The following IPMK variants were observed in gnomAD, a reference collection of about 807,000 sequenced individuals.
IPMK encodes inositol polyphosphate multikinase, also known as inositol 1,3,4,6-tetrakisphosphate 5-kinase.
A neutral mutation model predicts 45.8 loss-of-function variants in IPMK; 17 were observed. That is an observed-to-expected ratio of 0.37 (90% CI 0.25 to 0.56). IPMK has a LOEUF of 0.56. Among genes scored for constraint, IPMK ranks in the 20% least tolerant of loss-of-function variants. IPMK has a pLI of 0.79. For missense variants in IPMK, 399 were observed against 498.0 expected, an observed-to-expected ratio of 0.80 and a Z score of 1.89; for synonymous variants, 180 against 184.3, an observed-to-expected ratio of 0.98 and a Z score of 0.19.
chr10:58,208,222 G>A (rs906946862), intron 4 of IPMK, among the ~76,000 whole-genome samples: 5 of 152,122 alleles, frequency 3.3e-5, no homozygotes, highest in African/African-American at 1.2e-4. Flanking sequence ...TTACAGGTGT[G>A]AGCCACCACA....
At chr10:58,217,672 G>C (rs1838265991) in intron 3 of IPMK, among the ~76,000 whole-genome samples, 1 of 87,554 alleles carries the variant, frequency 1.1e-5, no homozygotes, top group South Asian at 3.9e-4. Flanking sequence ...TGGGCAACAA[G>C]AGCAAAACTC....
chr10:58,200,180 G>C (rs771510222), intron 4 of IPMK, among the ~76,000 whole-genome samples: 1 of 152,070 alleles, frequency 6.6e-6, no homozygotes, highest in Admixed American at 6.6e-5. Flanking sequence ...GTGCAGTGGC[G>C]TGATCTCAGC....
chr10:58,255,684 T>G lies in IPMK; in HGVS notation c.190+11738A>C, dbSNP rs144631323. 7.1e-3 allele frequency among the ~76,000 whole-genome samples: 1,077 copies of G among 152,268 alleles called. 10 individuals are homozygous for G. The highest frequency in any genetic ancestry group is 0.014 in the Middle Eastern group (4 of 294). ...TTTTTTGTAAATTTCTCCTGGAATT[T>G]TCTATGATAAACATATATTGGCCAG... On this transcript the variant is annotated intron_variant, in intron 1 of 5. Transcript: ENST00000373935.
chr10:58,235,334 A>G (rs773747142), intron 2 of IPMK, among the ~76,000 whole-genome samples: 3 of 152,250 alleles, frequency 2.0e-5, no homozygotes, highest in Non-Finnish European at 4.4e-5. Context: ...CCAAAGGATT[A>G]TAAATCATGC....
Position 58,235,650 on chromosome 10 carries a change from C to T in IPMK, c.276+2079G>A, listed in dbSNP as rs144277003. 3.7e-3 allele frequency among the ~76,000 whole-genome samples: 559 copies of T among 152,108 alleles called. 7 individuals are homozygous for T. The highest frequency in any genetic ancestry group is 0.013 in the African/African-American group (519 of 41,512). ...TTGGACACAGGGGAACATCACGCAC[C>T]GGGGCCTGTCAGGGGCTGCGGGGCT... On this transcript the variant is annotated intron_variant, in intron 2 of 5. Coordinates refer to ENST00000373935, the MANE Select transcript of IPMK (RefSeq NM_152230.5).
intron 2 of IPMK, among the ~76,000 whole-genome samples, chr10:58,232,165 C>T (rs1394664325): frequency 6.6e-6 from 1 of 152,154 alleles, no homozygotes; most frequent in Non-Finnish European, 1.5e-5. Flanking sequence ...AATACAGGAG[C>T]ACCCAGATTC....
chr10:58,247,965 T>C (rs1004459748), intron 1 of IPMK, among the ~76,000 whole-genome samples: 2 of 152,160 alleles, frequency 1.3e-5, no homozygotes, highest in African/African-American at 4.8e-5. Context: ...GCTACAGACT[T>C]TTTCCTTTAT....
chr10:58,233,128 T>C (rs1838551203), intron 2 of IPMK, among the ~76,000 whole-genome samples: 1 of 152,000 alleles, frequency 6.6e-6, no homozygotes, highest in Non-Finnish European at 1.5e-5. Context: ...TAGGAAGACG[T>C]TGCACCTCTG....
intron 1 of IPMK, among the ~76,000 whole-genome samples, chr10:58,250,643 C>T (rs908918483): frequency 2.6e-5 from 4 of 152,086 alleles, no homozygotes; most frequent in African/African-American, 4.8e-5. Context: ...TTGACTTCTT[C>T]CTTTCTTATT....
intron 1 of IPMK, among the ~76,000 whole-genome samples, chr10:58,265,689 T>C (rs993426291): frequency 6.6e-6 from 1 of 152,158 alleles, no homozygotes; most frequent in Non-Finnish European, 1.5e-5. Context: ...TATTTTACAC[T>C]GAATGCCATA....
intron 1 of IPMK, among the ~76,000 whole-genome samples, chr10:58,254,907 A>G (rs1376757382): frequency 6.6e-6 from 1 of 152,238 alleles, no homozygotes; most frequent in Non-Finnish European, 1.5e-5. Flanking sequence ...TTGTTTCCCA[A>G]TCCAGGGAAG....
chr10:58,247,204 C>A (rs370418449), intron 1 of IPMK, among the ~76,000 whole-genome samples: 8 of 148,438 alleles, frequency 5.4e-5, no homozygotes, highest in Middle Eastern at 3.4e-3. Context: ...TACACTGTTG[C>A]TGGGACTGTA....
At chr10:58,205,411 T>C (rs1838056627) in intron 4 of IPMK, among the ~76,000 whole-genome samples, 1 of 152,152 alleles carries the variant, frequency 6.6e-6, no homozygotes, top group Non-Finnish European at 1.5e-5. Context: ...CATGAAAAGA[T>C]GCTCAACATC....
intron 1 of IPMK, among the ~76,000 whole-genome samples, chr10:58,243,391 C>T (rs934607361): frequency 2.6e-5 from 4 of 152,210 alleles, no homozygotes; most frequent in African/African-American, 9.7e-5. Context: ...CTCCCTCTTT[C>T]TACGGTCTCC....
chr10:58,193,818 T>G lies in IPMK; in HGVS notation c.*2258A>C, dbSNP rs1032292147. 1.3e-5 allele frequency: 2 copies of G among 151,762 alleles called. No individual in the cohort carries two copies. The highest frequency in any genetic ancestry group is 1.9e-4 in the East Asian group (1 of 5,192). The allele number at this position is 151,762 out of a possible 1,614,324, so 9.4% of individuals were successfully genotyped here. On this transcript the variant is annotated 3_prime_UTR_variant, in exon 6 of 6. Transcript: ENST00000373935. ...CACAGTGGTAAATTTCAGCATAATA[T>G]TAAGTGACCGAGAGAGACTAAGATA...
chr10:58,191,601 C>T lies in IPMK; in HGVS notation c.*4475G>A, dbSNP rs963445338. 2.6e-5 allele frequency: 4 copies of T among 152,128 alleles called. No individual in the cohort carries two copies. The highest frequency in any genetic ancestry group is 3.9e-4 in the East Asian group (2 of 5,184). 9.4% of individuals were successfully genotyped at this position (152,128 alleles called of 1,614,324 possible). A position where few individuals can be genotyped will look rare whatever the true frequency, so the allele number is the denominator to read the frequency against. ...ATCACTTATAAAAATTGGTATATCA[C>T]ATTAGATGATTCTATAAAATAAAAA... On this transcript the variant is annotated 3_prime_UTR_variant, in exon 6 of 6. Coordinates refer to ENST00000373935, the MANE Select transcript of IPMK (RefSeq NM_152230.5).
At position 58,257,083 on chromosome 10, in the gene IPMK, A is replaced by G. The variant is rs1234306727; in HGVS notation, c.190+10339T>C. The stretch of plus-strand genomic sequence containing the variant: ...CTTCTAAAAACAAACAGAATAAAAC[A>G]AACGAAAACAACATTTTGCTTTTAT... On this transcript the variant is annotated intron_variant, in intron 1 of 5. Transcript: ENST00000373935. 3.3e-5 allele frequency among the ~76,000 whole-genome samples: 5 copies of G among 152,334 alleles called. No homozygotes were observed. In the Middle Eastern group the frequency reaches 0.017, roughly 518 times the overall value.
intron 2 of IPMK, among the ~76,000 whole-genome samples, chr10:58,228,872 A>G (rs76608572): frequency 0.014 from 2,094 of 152,256 alleles, 29 homozygotes; most frequent in Non-Finnish European, 0.023. Context: ...TGAGCTCTCA[A>G]GGAAAAAAAA....
intron 2 of IPMK, among the ~76,000 whole-genome samples, chr10:58,227,365 A>G (rs867079605): frequency 6.6e-6 from 1 of 152,186 alleles, no homozygotes; most frequent in African/African-American, 2.4e-5. Context: ...CTATCGAACT[A>G]TTTTACAACT....
Sources: gnomAD v4.1 joint callset for allele counts (sites outside exome capture counted in the v4.1 genomes callset) on GRCh38, gnomAD v4.1.1 for gene constraint, MANE v1.5 for transcripts, NCBI Gene and HGNC (gene_info 2026-07-23, HGNC 2026-07-21) for gene names.